The following EIF4E3 variants were observed in gnomAD, a reference collection of about 807,000 sequenced individuals.
EIF4E3 encodes the protein eukaryotic translation initiation factor 4E family member 3, also known as eukaryotic translation initiation factor 4E type 3.
In EIF4E3, 26 loss-of-function variants were observed where a neutral mutation model predicts 31.7. The observed-to-expected ratio is 0.82, with a 90% CI of 0.60 to 1.14. The LOEUF is 1.14. Ranked by LOEUF, EIF4E3 falls within the 50% of genes most tolerant of loss-of-function variation. The probability of loss-of-function intolerance (pLI) is 0.00; values close to 1 mark genes in which losing one functional copy is unlikely to be tolerated. For missense variants in EIF4E3, 304 were observed against 270.9 expected (o/e 1.12, Z -0.86); for synonymous variants, 128 against 107.7 (o/e 1.19, Z -1.17).
At chr3:71,732,718 G>C (rs944135355) in intron 1 of EIF4E3, among the ~76,000 whole-genome samples, 1 of 152,226 alleles carries the variant, frequency 6.6e-6, no homozygotes, top group African/African-American at 2.4e-5. Context: ...GAGCCGGCAG[G>C]CCTCAAATTG....
chr3:71,700,165 G>C (rs1223707470), intron 2 of EIF4E3, among the ~76,000 whole-genome samples: 1 of 152,090 alleles, frequency 6.6e-6, no homozygotes, highest in African/African-American at 2.4e-5. Flanking sequence ...ACAGGAGTGA[G>C]CCCCTGCCTC....
At chr3:71,711,490 C>T (rs537698347) in intron 1 of EIF4E3, among the ~76,000 whole-genome samples, 1 of 152,156 alleles carries the variant, frequency 6.6e-6, no homozygotes, top group Admixed American at 6.5e-5. Context: ...GACGTTGCCC[C>T]CAAGGACTCT....
intron 1 of EIF4E3, among the ~76,000 whole-genome samples, chr3:71,714,529 C>A (rs980730793): frequency 6.6e-6 from 1 of 152,082 alleles, no homozygotes; most frequent in Non-Finnish European, 1.5e-5. Context: ...AAATACTTGG[C>A]GGGCCAGAGG....
rs930404856 is a variant in EIF4E3 at position 71,675,533 on chromosome 3, A to G, written c.*9149T>C. On this transcript the variant is annotated 3_prime_UTR_variant, in exon 7 of 7. Coordinates refer to ENST00000425534, the MANE Select transcript of EIF4E3 (RefSeq NM_001134651.2). Reference sequence around the variant, plus strand: ...TGCTTACATGGAGTTGTCGCAAAGAAGCAGGTTAGAAAACATGCATTTTTT... The same window carrying G: ...TGCTTACATGGAGTTGTCGCAAAGAGGCAGGTTAGAAAACATGCATTTTTT... The G allele has an allele frequency of 2.0e-5, 3 of 152,230 alleles. No individual in the cohort carries two copies. The highest frequency in any genetic ancestry group is 4.4e-5 in the Non-Finnish European group (3 of 68,040). The allele number at this position is 152,230 out of a possible 1,614,324, so 9.4% of individuals were successfully genotyped here.
At chr3:71,661,509 C>T in the EIF4E3 span, among the ~76,000 whole-genome samples, 1 of 152,114 alleles carries the variant, frequency 6.6e-6, no homozygotes, top group Non-Finnish European at 1.5e-5. Flanking sequence ...CCTCCATTTC[C>T]CATGCGTCAA....
intron 6 of EIF4E3, among the ~76,000 whole-genome samples, chr3:71,685,990 G>T (rs970081884): frequency 1.3e-5 from 2 of 151,974 alleles, no homozygotes; most frequent in African/African-American, 4.8e-5. Flanking sequence ...TTTTCTTTTT[G>T]TTTTTTAAGA....
At chr3:71,753,998 G>T (rs572598880), upstream of EIF4E3, 53 of 1,072,170 alleles carry the variant, frequency 4.9e-5, no homozygotes, top group African/African-American at 8.3e-4. Context: ...CTGCGGGAGC[G>T]GCGAGGCAGG....
At chr3:71,692,614 G>C (rs79448553) in intron 5 of EIF4E3, among the ~76,000 whole-genome samples, 1 of 117,014 alleles carries the variant, frequency 8.5e-6, no homozygotes, top group Non-Finnish European at 1.8e-5. Flanking sequence ...TTTTTTTTTT[G>C]AAACAGGGTC....
chr3:71,700,876 T>C (rs1578348352), intron 2 of EIF4E3, among the ~76,000 whole-genome samples: 1 of 151,992 alleles, frequency 6.6e-6, no homozygotes, highest in African/African-American at 2.4e-5. Context: ...TAACTACCAA[T>C]AGGATGGTGT....
chr3:71,670,361 C>T, the EIF4E3 span, among the ~76,000 whole-genome samples: 1 of 152,094 alleles, frequency 6.6e-6, no homozygotes. Flanking sequence ...ATTTCTTTTG[C>T]CCCTCCTTTT....
At chr3:71,753,883 G>A (rs1315599429), upstream of EIF4E3, among the ~76,000 whole-genome samples, 1 of 148,380 alleles carries the variant, frequency 6.7e-6, no homozygotes, top group Non-Finnish European at 1.5e-5. Context: ...GCGGCACAGC[G>A]GCGGCTCGGG....
At chr3:71,708,209 T>C (rs563320413) in intron 2 of EIF4E3, among the ~76,000 whole-genome samples, 3 of 152,208 alleles carry the variant, frequency 2.0e-5, no homozygotes, top group East Asian at 3.9e-4. Flanking sequence ...ATTCATTGAG[T>C]GCAAAGGACC....
intron 5 of EIF4E3, among the ~76,000 whole-genome samples, chr3:71,693,510 A>G (rs1246557449): frequency 6.6e-6 from 1 of 152,174 alleles, no homozygotes; most frequent in Non-Finnish European, 1.5e-5. Context: ...ACTGGAACAG[A>G]TAATGGAACC....
intron 2 of EIF4E3, among the ~76,000 whole-genome samples, chr3:71,707,545 A>G (rs1242430056): frequency 6.6e-6 from 1 of 152,188 alleles, no homozygotes; most frequent in Non-Finnish European, 1.5e-5. Flanking sequence ...GAGGGAGCAG[A>G]GACAGCTGAG....
At chr3:71,721,632 G>A (rs1406871991) in intron 1 of EIF4E3, among the ~76,000 whole-genome samples, 1 of 152,084 alleles carries the variant, frequency 6.6e-6, no homozygotes, top group Non-Finnish European at 1.5e-5. Context: ...ATAAGTGTCT[G>A]GCATTTACCC....
downstream of EIF4E3, among the ~76,000 whole-genome samples, chr3:71,670,948 T>C (rs907273846): frequency 3.9e-5 from 6 of 151,960 alleles, no homozygotes; most frequent in Admixed American, 1.3e-4. Context: ...GCCAGTCTTC[T>C]CACTTCGCAA....
At chr3:71,733,642 G>A (rs2049730278) in intron 1 of EIF4E3, among the ~76,000 whole-genome samples, 1 of 152,134 alleles carries the variant, frequency 6.6e-6, no homozygotes, top group Admixed American at 6.5e-5. Context: ...GCTCACCTTT[G>A]AGGTCCTCAG....
chr3:71,666,207 A>G, the EIF4E3 span, among the ~76,000 whole-genome samples: 1 of 152,108 alleles, frequency 6.6e-6, no homozygotes, highest in South Asian at 2.1e-4. Context: ...AGCCAGACTA[A>G]TAAAGAAGAA....
At chr3:71,754,413 C>A (rs1220754651), upstream of EIF4E3, 1 of 1,349,942 alleles carries the variant, frequency 7.4e-7, no homozygotes, top group African/African-American at 1.5e-5. The surrounding 1 kb of genome is among the most constrained non-coding windows in gnomAD (Gnocchi z 5.8). Flanking sequence ...CACCCGCTAC[C>A]TGGCCATCGC....
Sources: allele counts gnomAD v4.1 joint callset (sites outside exome capture counted in the v4.1 genomes callset), GRCh38; gene constraint gnomAD v4.1.1; non-coding constraint Gnocchi (gnomAD v3.1); transcripts MANE v1.5; gene names NCBI Gene and HGNC (gene_info 2026-07-23, HGNC 2026-07-21).